The following DZIP1L variants were observed in gnomAD, a reference collection of about 807,000 sequenced individuals.
DZIP1L encodes the protein DAZ interacting zinc finger protein 1 like.
DZIP1L carries 90 observed loss-of-function variants against 88.7 expected under a neutral mutation model. The ratio of observed to expected loss-of-function variants is 1.02; its 90% CI spans 0.86 to 1.21. The LOEUF is 1.21. Among genes scored for constraint, DZIP1L ranks in the 50% most tolerant of loss-of-function variants. The pLI is 0.00. For synonymous variants in DZIP1L, 363 were observed against 372.1 expected, an observed-to-expected ratio of 0.98 and a Z score of 0.28; for missense variants, 932 against 955.8, an observed-to-expected ratio of 0.98 and a Z score of 0.33.
At chr3:138,095,769 G>C (rs1054847482) in intron 3 of DZIP1L, among the ~76,000 whole-genome samples, 1 of 151,886 alleles carries the variant, frequency 6.6e-6, no homozygotes, top group Non-Finnish European at 1.5e-5. Flanking sequence ...GAGACAGAGC[G>C]AGACTCTGTC....
chr3:138,063,714 T>G lies in DZIP1L; in HGVS notation c.2143-737A>C, dbSNP rs1942778084. ...TGCTCTGAGCGGCGCCTCAATCTGT[T>G]TGGGGCTGTTGGTGCTCTTTCACAA... On this transcript the variant is annotated intron_variant, in intron 15 of 15. Coordinates refer to ENST00000327532, the MANE Select transcript of DZIP1L (RefSeq NM_173543.3). This position sits in a 1 kb window ranked among gnomAD's most constrained non-coding sequence, Gnocchi z 4.1. 6.6e-6 allele frequency among the ~76,000 whole-genome samples: 1 copy of G among 152,220 alleles called. No homozygotes were observed. The highest frequency in any genetic ancestry group is 6.5e-5 in the Admixed American group (1 of 15,282).
chr3:138,102,730 A>G, intron 2 of DZIP1L: 1 of 798,172 alleles, frequency 1.3e-6, no homozygotes. Context: ...GATGGCAGTG[A>G]TGCCTCCCAT....
rs1559820869 is a variant in DZIP1L, at chr3:138,066,576, T to C, written c.2002+955A>G. 2.0e-5 allele frequency among the ~76,000 whole-genome samples: 3 copies of C among 152,204 alleles called. No homozygotes were observed. The South Asian group carries it at 6.2e-4, about 32-fold the overall frequency. The stretch of plus-strand genomic sequence containing the variant: ...CTATGAGGCTTAGTTTCAACTTCTG[T>C]CACGATGTGTGTGGCTCAGCCTTCC... On this transcript the variant is annotated intron_variant, in intron 14 of 15. Coordinates refer to ENST00000327532, the MANE Select transcript of DZIP1L (RefSeq NM_173543.3).
At chr3:138,101,671 C>A in intron 2 of DZIP1L, 1 of 798,770 alleles carries the variant, frequency 1.3e-6, no homozygotes, top group Non-Finnish European at 2.2e-6. Flanking sequence ...GCTCAGACCA[C>A]CTGCATAGCC....
In DZIP1L at chr3:138,095,120, C is replaced by T. The variant is rs1422602381; in HGVS notation, c.587-137G>A. ...TAGTACGTTGACATTGGGCAAAGAA[C>T]ATAACCTCCCTGTCCCTCTGTTTCC... On this transcript the variant is annotated intron_variant, in intron 3 of 15. Transcript: ENST00000327532. 3.1e-6 allele frequency: 4 copies of T among 1,309,164 alleles called. No individual in the cohort carries two copies. In the East Asian group the frequency reaches 7.0e-5, roughly 23 times the overall value. 81.1% of individuals were successfully genotyped at this position (1,309,164 alleles called of 1,614,324 possible). A position where few individuals can be genotyped will look rare whatever the true frequency, so the allele number is the denominator to read the frequency against.
intron 11 of DZIP1L, among the ~76,000 whole-genome samples, chr3:138,074,005 GA>G (rs1310700027): frequency 1.4e-4 from 22 of 151,930 alleles, no homozygotes; most frequent in Non-Finnish European, 2.4e-4. Flanking sequence ...ACAATCCATA[GA>G]AGACAAAAAA....
chr3:138,084,418 T>G (rs1943827916), intron 7 of DZIP1L, among the ~76,000 whole-genome samples, 165 bp from the exon 8 acceptor site: 1 of 152,188 alleles, frequency 6.6e-6, no homozygotes, highest in Admixed American at 6.5e-5. Flanking sequence ...TGGGGACATT[T>G]TTGTGCTGTG....
chr3:138,109,560 A>G (rs1041506343), intron 1 of DZIP1L, among the ~76,000 whole-genome samples: 15 of 152,232 alleles, frequency 9.9e-5, no homozygotes, highest in African/African-American at 3.6e-4. Flanking sequence ...GCGATTCCTC[A>G]AGGATCTAGA....
At chr3:138,112,454 T>C (rs1382787829) in intron 1 of DZIP1L, 1 of 152,216 alleles carries the variant, frequency 6.6e-6, no homozygotes, top group African/African-American at 2.4e-5. Context: ...TCTCCCTGTA[T>C]TTCAGCAGGG....
In DZIP1L at chr3:138,064,659, T is replaced by C; in HGVS notation, c.2111A>G (p.Gln704Arg). The change falls in exon 15 of 16, where the codon CAG becomes CGG. Residue 704 changes from glutamine (Q) to arginine (R), a missense_variant. Coordinates refer to ENST00000327532, the MANE Select transcript of DZIP1L (RefSeq NM_173543.3). The part of the protein sequence containing the change: ...SLFFMPNAGP[Q>R]RAATPGRKPQ... ...CTTCCTTCCTGGTGTGGCAGCCCTC[T>C]GTGGCCCAGCATTGGGCATAAAAAA... The C allele has an allele frequency of 1.2e-6, 2 of 1,614,184 alleles. No homozygotes were observed. Among genetic ancestry groups the C allele is most frequent in the Non-Finnish European group, 1.7e-6 (2 of 1,180,024 alleles).
Position 138,067,531 on chromosome 3 carries a change from C to T in DZIP1L, c.2002G>A (p.Gly668Arg), listed in dbSNP as rs768478437. ...ENAQPPGQGS[G>R]TLVQSMVKNL... ...CACTCACCCAAAGGTGCCAGCTCAC[C>T]TGAGCCCTGGCCAGGGGGCTGGGCA... The change falls in exon 14 of 16, where the codon GGA (glycine) becomes AGA (arginine). Residue 668 changes from glycine to arginine, a missense_variant and splice_region_variant. Transcript: ENST00000327532. The T allele has an allele frequency of 6.3e-7, 1 of 1,598,892 alleles. No individual in the cohort carries two copies. Among genetic ancestry groups the T allele is most frequent in the East Asian group, 2.3e-5 (1 of 43,486 alleles).
At chr3:138,079,677 G>A (rs1400802253) in intron 10 of DZIP1L, among the ~76,000 whole-genome samples, 2 of 152,126 alleles carry the variant, frequency 1.3e-5, no homozygotes, top group African/African-American at 2.4e-5. Context: ...TGGGCAGAAG[G>A]GAGGCCTGCT....
Position 138,088,465 on chromosome 3 carries a change from G to T in DZIP1L, c.913C>A (p.Leu305Met). Residue 305 changes from leucine to methionine, a missense_variant, in exon 6 of 16, where the codon CTG (leucine) becomes ATG (methionine). Physicochemically the swap from Leu to Met is conservative, Grantham distance 15 (BLOSUM62 2). Transcript: ENST00000327532. The stretch of plus-strand genomic sequence containing the variant: ...GACTCCTCATCTCGCAGTGATCCCA[G>T]CTTGGACTCCATCACACTGTGGGAC... ...LQSHSVMESK[L>M]GSLRDEESEE... The T allele has an allele frequency of 6.2e-7, 1 of 1,614,024 alleles. No homozygotes were observed. Among genetic ancestry groups the T allele is most frequent in the Non-Finnish European group, 8.5e-7 (1 of 1,179,950 alleles).
intron 3 of DZIP1L, 100 bp downstream of exon 3, chr3:138,097,661 TGA>T: frequency 9.4e-7 from 1 of 1,064,090 alleles, no homozygotes; most frequent in Non-Finnish European, 1.4e-6. Flanking sequence ...AGTGAGGTTC[TGA>T]GAGCAGTTTT....
intron 6 of DZIP1L, among the ~76,000 whole-genome samples, chr3:138,088,024 A>G (rs1284540725): frequency 6.6e-6 from 1 of 152,256 alleles, no homozygotes; most frequent in Non-Finnish European, 1.5e-5. Flanking sequence ...GCTGGTTGCT[A>G]AACAACTACC....
chr3:138,068,237 G>A lies in DZIP1L; in HGVS notation c.1746C>T (p.Ser582=), dbSNP rs780976560. Residue 582 remains serine, a synonymous_variant, in exon 13 of 16, where the codon TCC becomes TCT. Coordinates refer to ENST00000327532, the MANE Select transcript of DZIP1L (RefSeq NM_173543.3). ...CGGGGGCGGACACCTGGGTCAGGCT[G>A]GAGCCATGGCTGCCATGGCTCTGAC... is the stretch of plus-strand genomic sequence containing the variant. ...PTRQSHGSHG[S]SLTQVSAPAP... 1.3e-6 allele frequency: 2 copies of A among 1,595,058 alleles called. No individual in the cohort carries two copies. Among genetic ancestry groups the A allele is most frequent in the Non-Finnish European group, 1.7e-6 (2 of 1,170,102 alleles).
At chr3:138,073,222 T>C (rs530004396) in intron 11 of DZIP1L, among the ~76,000 whole-genome samples, 33 of 152,182 alleles carry the variant, frequency 2.2e-4, no homozygotes, top group Non-Finnish European at 3.2e-4. Context: ...GACCACAGTT[T>C]GAAAGCACCA....
chr3:138,102,479 G>C, intron 2 of DZIP1L: 1 of 1,390,556 alleles, frequency 7.2e-7, no homozygotes, highest in Non-Finnish European at 1.0e-6. Context: ...TGCTGCCTAA[G>C]GTTGTTGATG....
chr3:138,102,657 C>G, intron 2 of DZIP1L: 1 of 1,355,062 alleles, frequency 7.4e-7, no homozygotes, highest in Admixed American at 1.7e-5. Context: ...CCTGGGTGCA[C>G]ATGGCCTGAA....
Sources: gnomAD v4.1 joint callset for allele counts (sites outside exome capture counted in the v4.1 genomes callset) on GRCh38, gnomAD v4.1.1 for gene constraint, Gnocchi (gnomAD v3.1) non-coding constraint, MANE v1.5 for transcripts, NCBI Gene and HGNC (gene_info 2026-07-23, HGNC 2026-07-21) for gene names.